NTNG1: variants seen among roughly 807,000 people sequenced by gnomAD.
The protein encoded by NTNG1 is netrin G1, also known as netrin-G1.
A neutral mutation model predicts 54.0 loss-of-function variants in NTNG1; 16 were observed. The observed-to-expected ratio is 0.30, with a 90% CI of 0.20 to 0.45. The LOEUF (loss-of-function observed/expected upper bound fraction) is 0.45. NTNG1 is among the 20% of genes least tolerant of loss of function. The pLI is 1.00. For missense variants in NTNG1, 530 were observed against 678.7 expected (o/e 0.78, Z 2.43); for synonymous variants, 255 against 263.1 (o/e 0.97, Z 0.30).
rs995684869 is a variant in NTNG1, at chr1:107,261,757, G to A, written c.247-62525G>A. On this transcript the variant is annotated intron_variant, in intron 2 of 7. Coordinates refer to ENST00000370068, the MANE Select transcript of NTNG1 (RefSeq NM_001113226.3). ...ACTCGGGAGGCTGAGGCGGGAGAAT[G>A]GCGTGAACCCGGGAGGCGGAGCTTG... is the stretch of plus-strand genomic sequence containing the variant. Among the ~76,000 whole-genome samples, 7 of 152,116 alleles carry A rather than the reference G, an allele frequency of 4.6e-5. No homozygotes were observed. The South Asian group carries it at 1.4e-3, about 31-fold the overall frequency.
intron 2 of NTNG1, among the ~76,000 whole-genome samples, chr1:107,212,765 T>C (rs778953738): frequency 6.6e-6 from 1 of 152,048 alleles, no homozygotes; most frequent in Non-Finnish European, 1.5e-5. Flanking sequence ...GTTTTTCCTA[T>C]AGATACCAGG....
At chr1:107,197,669 A>G (rs1258048031) in intron 2 of NTNG1, among the ~76,000 whole-genome samples, 1 of 151,878 alleles carries the variant, frequency 6.6e-6, no homozygotes, top group African/African-American at 2.4e-5. Flanking sequence ...TTTTCCCTAC[A>G]GTGTTTCCCC....
intron 2 of NTNG1, among the ~76,000 whole-genome samples, chr1:107,262,559 AG>A (rs1424376979): frequency 1.3e-5 from 2 of 152,230 alleles, no homozygotes; most frequent in Non-Finnish European, 2.9e-5. Context: ...CCATGATCAA[AG>A]TAGAAGAATC....
At chr1:107,399,088 C>T (rs918988642) in intron 4 of NTNG1, among the ~76,000 whole-genome samples, 1 of 149,846 alleles carries the variant, frequency 6.7e-6, no homozygotes, top group Non-Finnish European at 1.5e-5. Flanking sequence ...CACTCCATGG[C>T]CAGCTAAGTC....
At chr1:107,449,086 A>G (rs501332) in intron 7 of NTNG1, among the ~76,000 whole-genome samples, 107,388 of 151,930 alleles carry the variant, frequency 0.71, 38,255 homozygotes, top group East Asian at 0.79. Flanking sequence ...AATTGTTATG[A>G]ATTATTAATT....
chr1:107,480,245 A>G (rs928832848), intron 7 of NTNG1, among the ~76,000 whole-genome samples: 4 of 152,166 alleles, frequency 2.6e-5, no homozygotes, highest in Non-Finnish European at 4.4e-5. Context: ...GCACTCTTGC[A>G]TCGGGCACTT....
At position 107,149,019 on chromosome 1, in the gene NTNG1, T is replaced by C. The variant is rs75397654; in HGVS notation, c.246+180T>C. On this transcript the variant is annotated intron_variant, in intron 2 of 7. Coordinates refer to ENST00000370068, the MANE Select transcript of NTNG1 (RefSeq NM_001113226.3). ...TTACACTGCCTGGAGTTACAATTTG[T>C]GCAGGGTGATTGATGCCCTGGAAGG... 0.048 allele frequency among the ~76,000 whole-genome samples: 7,362 copies of C among 152,202 alleles called. 576 individuals are homozygous for C. The highest frequency in any genetic ancestry group is 0.17 in the African/African-American group (6,934 of 41,518).
rs1377686429 is a variant in NTNG1, at chr1:107,329,421, A to G, written c.887+4499A>G. ...GTAATTAGAACAAGGTGGAGCTGAC[A>G]TCGTGTTCTTGAAGCACAACTTCCA... On this transcript the variant is annotated intron_variant, in intron 3 of 7. Coordinates refer to ENST00000370068, the MANE Select transcript of NTNG1 (RefSeq NM_001113226.3). 3.3e-5 allele frequency among the ~76,000 whole-genome samples: 5 copies of G among 152,234 alleles called. No individual in the cohort carries two copies. In the South Asian group the frequency reaches 8.3e-4, roughly 25 times the overall value.
At chr1:107,461,659 G>C (rs1041258263) in intron 7 of NTNG1, among the ~76,000 whole-genome samples, 1 of 151,480 alleles carries the variant, frequency 6.6e-6, no homozygotes, top group African/African-American at 2.4e-5. Flanking sequence ...TCAGCCTCCT[G>C]AGTAGCTGGA....
At chr1:107,279,249 CT>C (rs1181302795) in intron 2 of NTNG1, among the ~76,000 whole-genome samples, 1 of 152,050 alleles carries the variant, frequency 6.6e-6, no homozygotes, top group Non-Finnish European at 1.5e-5. Context: ...AATCTCTATA[CT>C]TTTTTGTACA....
intron 2 of NTNG1, among the ~76,000 whole-genome samples, chr1:107,186,798 ATTAAG>A (rs1378932557): frequency 6.6e-6 from 1 of 152,186 alleles, no homozygotes; most frequent in African/African-American, 2.4e-5. Flanking sequence ...GATAATAATA[ATTAAG>A]TTAACATATT....
At chr1:107,475,413 G>A (rs1678249821) in intron 7 of NTNG1, among the ~76,000 whole-genome samples, 1 of 152,170 alleles carries the variant, frequency 6.6e-6, no homozygotes. Flanking sequence ...TTTCCTGCAA[G>A]CTCTGATTTT....
At chr1:107,365,815 T>C (rs151076957) in intron 3 of NTNG1, among the ~76,000 whole-genome samples, 6 of 152,344 alleles carry the variant, frequency 3.9e-5, no homozygotes, top group Non-Finnish European at 7.4e-5. Context: ...ATTTTAAGCA[T>C]ACCACTGTTA....
intron 2 of NTNG1, among the ~76,000 whole-genome samples, chr1:107,320,823 G>A (rs767730153): frequency 1.3e-5 from 2 of 151,928 alleles, no homozygotes; most frequent in African/African-American, 2.4e-5. Context: ...GAGCACGAGT[G>A]TTATGAAATA....
At chr1:107,321,070 C>T (rs1667634522) in intron 2 of NTNG1, among the ~76,000 whole-genome samples, 1 of 152,098 alleles carries the variant, frequency 6.6e-6, no homozygotes, top group Non-Finnish European at 1.5e-5. Flanking sequence ...ATCAGGGAGA[C>T]CTTCTCTGAC....
chr1:107,411,336 G>A (rs990404708), intron 5 of NTNG1, among the ~76,000 whole-genome samples: 1 of 152,128 alleles, frequency 6.6e-6, no homozygotes, highest in Non-Finnish European at 1.5e-5. Context: ...CATTAAACAA[G>A]GGAAGTGCTA....
chr1:107,187,353 G>A (rs144037115), intron 2 of NTNG1, among the ~76,000 whole-genome samples: 23 of 152,134 alleles, frequency 1.5e-4, no homozygotes, highest in Middle Eastern at 6.8e-3. Context: ...CTAGCTTTGG[G>A]TATAAGGTCA....
intron 3 of NTNG1, among the ~76,000 whole-genome samples, chr1:107,381,233 C>A (rs1671626181): frequency 6.6e-6 from 1 of 150,560 alleles, no homozygotes; most frequent in South Asian, 2.1e-4. Flanking sequence ...AGATAAGGAG[C>A]TAGACCTAGA....
intron 4 of NTNG1, among the ~76,000 whole-genome samples, chr1:107,398,564 G>A (rs1424179969): frequency 6.6e-6 from 1 of 152,136 alleles, no homozygotes; most frequent in Non-Finnish European, 1.5e-5. Flanking sequence ...CAGTCTGTGA[G>A]ACACACCACA....
Sources: allele counts gnomAD v4.1 joint callset (sites outside exome capture counted in the v4.1 genomes callset), GRCh38; gene constraint gnomAD v4.1.1; transcripts MANE v1.5; gene names NCBI Gene and HGNC (gene_info 2026-07-23, HGNC 2026-07-21).